TRIO: variants seen among roughly 807,000 people sequenced by gnomAD.
TRIO encodes the protein trio Rho guanine nucleotide exchange factor, also known as triple functional domain protein.
TRIO carries 58 observed loss-of-function variants against 351.9 expected under a neutral mutation model. That is an observed-to-expected ratio of 0.16 (90% confidence interval 0.13 to 0.21). The LOEUF (loss-of-function observed/expected upper bound fraction) is 0.21. TRIO is among the 10% of genes least tolerant of loss of function. TRIO has a pLI of 1.00. For synonymous variants in TRIO, 1,758 were observed against 1,595.7 expected, an observed-to-expected ratio of 1.10 and a Z score of -2.42; for missense variants, 3,201 against 4,027.8, an observed-to-expected ratio of 0.79 and a Z score of 5.56.
chr5:14,471,501 T>C (rs1421276309), intron 38 of TRIO, 35 bp downstream of exon 38: 1 of 1,611,936 alleles, frequency 6.2e-7, no homozygotes, highest in Admixed American at 1.7e-5. Flanking sequence ...TATTGTTCTC[T>C]GGGTTCCGTC....
intron 1 of TRIO, among the ~76,000 whole-genome samples, chr5:14,167,598 A>G (rs1788846454): frequency 1.3e-5 from 2 of 152,228 alleles, no homozygotes; most frequent in African/African-American, 4.8e-5. Context: ...TAATACTAGT[A>G]CTAGAAAATG....
At chr5:14,285,420 C>T (rs982788110) in intron 3 of TRIO, among the ~76,000 whole-genome samples, 12 of 151,834 alleles carry the variant, frequency 7.9e-5, no homozygotes, top group Admixed American at 1.3e-4. Flanking sequence ...TGATGTGATA[C>T]ACCCTCTTAC....
At chr5:14,348,905 G>T (rs931229269) in intron 11 of TRIO, among the ~76,000 whole-genome samples, 1 of 149,388 alleles carries the variant, frequency 6.7e-6, no homozygotes, top group East Asian at 2.0e-4. Flanking sequence ...CTGCATGTTT[G>T]TGTGTGTACG....
Position 14,170,512 on chromosome 5 carries a change from T to C in TRIO, c.157+26630T>C, listed in dbSNP as rs866881592. On this transcript the variant is annotated intron_variant, in intron 1 of 56. Transcript: ENST00000344204. ...CTAAAAGTGAAGCTTCTCTCTCTTT[T>C]TTTTTTTTTTTTTTGGAGAAGTCTT... 3.3e-3 allele frequency among the ~76,000 whole-genome samples: 493 copies of C among 148,304 alleles called. 9 individuals carry two copies. The East Asian group carries it at 0.051, about 15-fold the overall frequency.
rs761419186 is a variant in TRIO at position 14,481,252 on chromosome 5, A to C, written c.6355A>C (p.Lys2119Gln). The C allele has an allele frequency of 3.1e-6, 5 of 1,613,700 alleles. No homozygotes were observed. Among genetic ancestry groups the C allele is most frequent in the Non-Finnish European group, 4.2e-6 (5 of 1,179,790 alleles). The change falls in exon 44 of 57, where the codon AAA (lysine) becomes CAA (glutamine). Residue 2119 changes from lysine to glutamine, a missense_variant. Lys to Gln is a moderately conservative substitution (Grantham distance 53, BLOSUM62 1). This residue lies in a region of TRIO where 307 missense variants were observed against 396.5 expected (regional missense o/e 0.77). Transcript: ENST00000344204. ...LLLKDFLKYS[K>Q]KASLDTSELE... ...CTTGCAGGACTTCCTCAAGTATTCC[A>C]AAAAGGCCAGCCTGGATACATCAGA...
chr5:14,475,400 CCTT>C (rs896349813), intron 40 of TRIO, among the ~76,000 whole-genome samples: 4 of 152,188 alleles, frequency 2.6e-5, no homozygotes, highest in African/African-American at 7.2e-5. Flanking sequence ...CCATCAGACT[CCTT>C]CTCTTCTGCA....
At position 14,508,663 on chromosome 5, in the gene TRIO, T is replaced by C; in HGVS notation, c.*241T>C. ...GTCGCATTGCTGTATCACAGTATTT[T>C]ATTCAGGTTTCTGCAAAAAAATAAA... On this transcript the variant is annotated 3_prime_UTR_variant, in exon 57 of 57. Transcript: ENST00000344204. 1 of 430,312 alleles carries C rather than the reference T, an allele frequency of 2.3e-6. No individual in the cohort carries two copies. Among genetic ancestry groups the C allele is most frequent in the East Asian group, 3.5e-5 (1 of 28,368 alleles). 26.7% of individuals were successfully genotyped at this position (430,312 alleles called of 1,614,324 possible).
intron 1 of TRIO, among the ~76,000 whole-genome samples, chr5:14,235,642 G>T (rs1279318500): frequency 6.6e-6 from 1 of 151,804 alleles, no homozygotes; most frequent in Non-Finnish European, 1.5e-5. Flanking sequence ...GGTCTGCGGT[G>T]GTTGAATTGG....
intron 1 of TRIO, among the ~76,000 whole-genome samples, chr5:14,145,821 C>T (rs1348754216): frequency 2.0e-5 from 3 of 152,206 alleles, no homozygotes; most frequent in Admixed American, 2.0e-4. Context: ...TGGCGTGGCT[C>T]TCTCCAGGAG....
intron 1 of TRIO, among the ~76,000 whole-genome samples, chr5:14,144,891 CAGG>C (rs1273238922): frequency 1.3e-5 from 2 of 151,322 alleles, no homozygotes; most frequent in African/African-American, 2.4e-5. Flanking sequence ...TGAGCAGCAG[CAGG>C]AGGAGGAGGA....
In TRIO at chr5:14,297,214, G is replaced by A. The variant is rs1398653793; in HGVS notation, c.1319G>A (p.Arg440Gln). The part of the protein sequence containing the change: ...WKAFAAALDE[R>Q]STLLDMSSIF... ...GCGTTTGCGGCAGCCCTGGATGAGCGGAGCACCTTGCTGGACATGTCCTCC... is the reference window on the plus strand; with the variant it reads ...GCGTTTGCGGCAGCCCTGGATGAGCAGAGCACCTTGCTGGACATGTCCTCC... The change falls in exon 7 of 57, where the codon CGG (arginine) becomes CAG (glutamine). Residue 440 changes from arginine (R) to glutamine (Q), a missense_variant. Around this residue, in one of 19 missense-constraint regions of TRIO, gnomAD observed 349 missense variants for 449.3 expected, o/e 0.78. Transcript: ENST00000344204. 13 of 1,614,050 alleles carry A rather than the reference G, an allele frequency of 8.1e-6. No homozygotes were observed. In the Admixed American group the frequency reaches 8.3e-5, roughly 10 times the overall value.
At chr5:14,343,038 C>A (rs1309093135) in intron 11 of TRIO, among the ~76,000 whole-genome samples, 2 of 147,190 alleles carry the variant, frequency 1.4e-5, no homozygotes, top group Non-Finnish European at 3.0e-5. Flanking sequence ...TACTCCCTAG[C>A]TTTTCTTTTT....
At chr5:14,226,613 A>G (rs1307201562) in intron 1 of TRIO, among the ~76,000 whole-genome samples, 2 of 152,246 alleles carry the variant, frequency 1.3e-5, no homozygotes, top group Non-Finnish European at 2.9e-5. Flanking sequence ...TTATGCATTT[A>G]TAAGAGGCTG....
intron 1 of TRIO, among the ~76,000 whole-genome samples, chr5:14,210,041 A>G (rs373757608): frequency 1.3e-5 from 2 of 152,232 alleles, no homozygotes; most frequent in East Asian, 1.9e-4. Flanking sequence ...GGGAGCCCTG[A>G]TTGCTGGAGG....
intron 3 of TRIO, among the ~76,000 whole-genome samples, chr5:14,281,424 A>ACCCCCCCCCCCCCCCCCCCCCCCCCC (rs3061076): frequency 2.2e-5 from 2 of 89,332 alleles, no homozygotes; most frequent in African/African-American, 9.4e-5. Context: ...AGCCGTTAGA[A>ACCCCCCCCCCCCCCCCCCCCCCCCCC]CCCCCCCCCC....
intron 16 of TRIO, among the ~76,000 whole-genome samples, chr5:14,368,339 G>T (rs1434786207): frequency 6.6e-6 from 1 of 152,070 alleles, no homozygotes; most frequent in Admixed American, 6.5e-5. Context: ...TTGTTCATTT[G>T]CTTCCAGCAG....
chr5:14,148,790 T>G (rs563471263), intron 1 of TRIO, among the ~76,000 whole-genome samples: 7 of 152,126 alleles, frequency 4.6e-5, no homozygotes, highest in Non-Finnish European at 1.0e-4. Context: ...CTGACAAGGG[T>G]GATGGTGTGG....
At chr5:14,473,383 C>T (rs1454199781) in intron 39 of TRIO, among the ~76,000 whole-genome samples, 2 of 152,214 alleles carry the variant, frequency 1.3e-5, no homozygotes, top group Non-Finnish European at 1.5e-5. Context: ...AAAGTACCAG[C>T]TATTAAAGTC....
intron 11 of TRIO, among the ~76,000 whole-genome samples, chr5:14,347,538 A>C (rs1400751400): frequency 1.3e-5 from 2 of 152,258 alleles, no homozygotes; most frequent in East Asian, 3.8e-4. Flanking sequence ...GAGACTGCTC[A>C]TCCCAATTCA....
Sources: allele counts gnomAD v4.1 joint callset (sites outside exome capture counted in the v4.1 genomes callset), GRCh38; gene constraint gnomAD v4.1.1; regional missense constraint gnomAD v4.1.1; transcripts MANE v1.5; gene names NCBI Gene and HGNC (gene_info 2026-07-23, HGNC 2026-07-21).